Variants in UBE2Q2 observed in about 807,000 individuals in gnomAD.
UBE2Q2 encodes ubiquitin conjugating enzyme E2 Q2, also known as ubiquitin-conjugating enzyme E2 Q2.
UBE2Q2 carries 54 observed loss-of-function variants against 59.9 expected under a neutral mutation model. The ratio of observed to expected loss-of-function variants is 0.90; its 90% confidence interval spans 0.72 to 1.13. UBE2Q2 has a LOEUF of 1.13. Among genes scored for constraint, UBE2Q2 ranks in the 50% most tolerant of loss-of-function variants. UBE2Q2 has a pLI of 0.00. For synonymous variants in UBE2Q2, 165 were observed against 155.2 expected (o/e 1.06, Z -0.47); for missense variants, 433 against 441.9 (o/e 0.98, Z 0.18).
At chr15:75,857,704 G>T (rs1055674104) in intron 2 of UBE2Q2, among the ~76,000 whole-genome samples, 4 of 150,988 alleles carry the variant, frequency 2.6e-5, no homozygotes, top group Non-Finnish European at 5.9e-5. Context: ...ATAAAGAGTT[G>T]GTTAAATAAA....
At position 75,900,393 on chromosome 15, in the gene UBE2Q2, T is replaced by G. The variant is rs1899689603; in HGVS notation, c.*935T>G. ...TTTTGCCATGTCAAAACAATGGCTT[T>G]TACATTGAAAGATTAATAGAAACTC... On this transcript the variant is annotated 3_prime_UTR_variant, in exon 13 of 13. Transcript: ENST00000267938. 1 of 152,678 alleles carries G rather than the reference T, an allele frequency of 6.5e-6. No homozygotes were observed. The highest frequency in any genetic ancestry group is 6.5e-5 in the Admixed American group (1 of 15,286). 9.5% of individuals were successfully genotyped at this position (152,678 alleles called of 1,614,324 possible).
At position 75,853,490 on chromosome 15, in the gene UBE2Q2, T is replaced by TTA. The variant is rs35429355; in HGVS notation, c.181-880_181-879dup. ...TCTCGAGGAAAAAAAGAAAAAAAAA[T>TTA]TATATATATATATATATGTATGTAT... On this transcript the variant is annotated intron_variant, in intron 1 of 12. Transcript: ENST00000267938. 5.6e-3 allele frequency among the ~76,000 whole-genome samples: 836 copies of TTA among 148,378 alleles called. 7 individuals carry two copies. The highest frequency in any genetic ancestry group is 0.016 in the South Asian group (73 of 4,682).
At chr15:75,846,685 A>G (rs1896368664) in intron 1 of UBE2Q2, among the ~76,000 whole-genome samples, 1 of 152,206 alleles carries the variant, frequency 6.6e-6, no homozygotes, top group Non-Finnish European at 1.5e-5. Flanking sequence ...ACTCTGGAAA[A>G]GGTAATGAGT....
intron 9 of UBE2Q2, among the ~76,000 whole-genome samples, chr15:75,888,024 C>T (rs1567040616): frequency 1.3e-5 from 2 of 152,180 alleles, no homozygotes; most frequent in Non-Finnish European, 1.5e-5. Flanking sequence ...TATCCCATAT[C>T]TTCTAGTTAT....
At chr15:75,855,890 G>A (rs943239564) in intron 2 of UBE2Q2, among the ~76,000 whole-genome samples, 12 of 152,070 alleles carry the variant, frequency 7.9e-5, no homozygotes, top group Admixed American at 2.0e-4. Context: ...CTTCATATTC[G>A]TAAATGTAAT....
intron 4 of UBE2Q2, among the ~76,000 whole-genome samples, chr15:75,872,346 G>C (rs540198696): frequency 6.6e-6 from 1 of 150,800 alleles, no homozygotes; most frequent in Non-Finnish European, 1.5e-5. Flanking sequence ...GCCGAGATGC[G>C]TATAAACTAC....
intron 4 of UBE2Q2, among the ~76,000 whole-genome samples, chr15:75,871,402 T>TA (rs1897780772): frequency 6.6e-6 from 1 of 152,212 alleles, no homozygotes. Context: ...ACAGACCCTT[T>TA]ACGGGTGTCA....
chr15:75,848,094 C>T (rs1297755003), intron 1 of UBE2Q2, among the ~76,000 whole-genome samples: 1 of 152,022 alleles, frequency 6.6e-6, no homozygotes. Context: ...ACTTCTTTTA[C>T]TGTGTTTCTG....
intron 1 of UBE2Q2, among the ~76,000 whole-genome samples, chr15:75,847,685 A>G (rs1005432353): frequency 5.3e-5 from 8 of 152,124 alleles, no homozygotes; most frequent in Non-Finnish European, 8.8e-5. Flanking sequence ...GGGAGCTAGT[A>G]TATGGCTTTA....
In UBE2Q2 at chr15:75,896,982, AATT is replaced by A. The variant is rs1446411295; in HGVS notation, c.1030-12_1030-10del. The A allele has an allele frequency of 2.6e-6, 4 of 1,518,494 alleles. No homozygotes were observed. The highest frequency in any genetic ancestry group is 3.6e-6 in the Non-Finnish European group (4 of 1,112,508). The allele number at this position is 1,518,494 out of a possible 1,614,324, so 94.1% of individuals were successfully genotyped here. A position where few individuals can be genotyped will look rare whatever the true frequency, so the allele number is the denominator to read the frequency against. ...ATTACACTTTTGATTTAAAATGTGT[AATT>A]CTCTTTCAGAATCAATATAATCTAG... On this transcript the variant is annotated splice_polypyrimidine_tract_variant and intron_variant, in intron 11 of 12. Coordinates refer to ENST00000267938, the MANE Select transcript of UBE2Q2 (RefSeq NM_173469.4).
intron 11 of UBE2Q2, among the ~76,000 whole-genome samples, chr15:75,893,755 G>A (rs1258238409): frequency 1.3e-5 from 2 of 152,044 alleles, no homozygotes; most frequent in Non-Finnish European, 2.9e-5. Context: ...AGGTTAGAAG[G>A]CAATAATGAA....
At chr15:75,856,257 G>GTT in intron 2 of UBE2Q2, among the ~76,000 whole-genome samples, 1 of 101,178 alleles carries the variant, frequency 9.9e-6, no homozygotes, top group Middle Eastern at 4.6e-3. Flanking sequence ...GTGTGTGTGT[G>GTT]TGTGTGTGTG....
chr15:75,846,946 C>T (rs1896383833), intron 1 of UBE2Q2, among the ~76,000 whole-genome samples: 1 of 152,186 alleles, frequency 6.6e-6, no homozygotes, highest in African/African-American at 2.4e-5. Flanking sequence ...CTGACCTCCA[C>T]CCCTTAACCT....
At chr15:75,856,269 G>GTGTGTGTATATATATATATATATA (rs1256142539) in intron 2 of UBE2Q2, among the ~76,000 whole-genome samples, 4 of 139,276 alleles carry the variant, frequency 2.9e-5, no homozygotes, top group African/African-American at 1.1e-4. Flanking sequence ...GTGTGTGTGT[G>GTGTGTGTATATATATATATATATA]TATATATATA....
chr15:75,872,533 C>CTTTT (rs374099581), intron 4 of UBE2Q2, among the ~76,000 whole-genome samples: 28 of 114,756 alleles, frequency 2.4e-4, no homozygotes, highest in East Asian at 1.3e-3. Flanking sequence ...TTTTCTTTTC[C>CTTTT]TTTTTTTTTT....
At chr15:75,881,235 CTT>C (rs111487358) in intron 8 of UBE2Q2, among the ~76,000 whole-genome samples, 5 of 146,494 alleles carry the variant, frequency 3.4e-5, no homozygotes, top group South Asian at 2.2e-4. Context: ...GAAATAGAAC[CTT>C]TTTTTTTTTT....
At chr15:75,880,910 AGCTTTTTT>A (rs1898374796) in intron 8 of UBE2Q2, among the ~76,000 whole-genome samples, 1 of 152,210 alleles carries the variant, frequency 6.6e-6, no homozygotes, top group Non-Finnish European at 1.5e-5. Flanking sequence ...CTTCTTACGT[AGCTTTTTT>A]ATGTGTGTGT....
intron 5 of UBE2Q2, among the ~76,000 whole-genome samples, chr15:75,875,682 A>G (rs550104968): frequency 7.2e-5 from 11 of 152,344 alleles, no homozygotes; most frequent in African/African-American, 2.6e-4. Flanking sequence ...ATGAGAAGAA[A>G]TAGGAAATGA....
chr15:75,856,291 AT>A (rs34352512), intron 2 of UBE2Q2, among the ~76,000 whole-genome samples: 9 of 142,264 alleles, frequency 6.3e-5, no homozygotes, highest in South Asian at 4.2e-4. Context: ...ATATATATAT[AT>A]AATGAATTTC....
Sources: gnomAD v4.1 joint callset for allele counts (sites outside exome capture counted in the v4.1 genomes callset) on GRCh38, gnomAD v4.1.1 for gene constraint, MANE v1.5 for transcripts, NCBI Gene and HGNC (gene_info 2026-07-23, HGNC 2026-07-21) for gene names.